The following NCKAP5 variants were observed in gnomAD, a reference collection of about 807,000 sequenced individuals.
The protein encoded by NCKAP5 is nck-associated protein 5.
A neutral mutation model predicts 167.0 loss-of-function variants in NCKAP5; 92 were observed. That is an observed-to-expected ratio of 0.55 (90% CI 0.47 to 0.66). The LOEUF (loss-of-function observed/expected upper bound fraction) is 0.66. Ranked by LOEUF, NCKAP5 falls within the 30% of genes least tolerant of loss-of-function variation. The probability of loss-of-function intolerance (pLI) is 0.00; values close to 1 mark genes in which losing one functional copy is unlikely to be tolerated. For missense variants in NCKAP5, 2,378 were observed against 2,315.0 expected, an observed-to-expected ratio of 1.03 and a Z score of -0.56; for synonymous variants, 891 against 877.4, an observed-to-expected ratio of 1.02 and a Z score of -0.27.
chr2:133,463,112 A>G (rs1326409638), intron 3 of NCKAP5, among the ~76,000 whole-genome samples: 2 of 152,230 alleles, frequency 1.3e-5, no homozygotes, highest in Admixed American at 6.5e-5. Flanking sequence ...AATATTATTA[A>G]TAGTCACAGG....
At chr2:133,507,170 G>A (rs534853369) in intron 3 of NCKAP5, among the ~76,000 whole-genome samples, 3 of 152,250 alleles carry the variant, frequency 2.0e-5, no homozygotes, top group South Asian at 4.2e-4. Flanking sequence ...ACCAACCCAA[G>A]CTGGATCACT....
intron 7 of NCKAP5, among the ~76,000 whole-genome samples, chr2:132,988,085 T>G (rs1391502334): frequency 1.3e-5 from 2 of 152,154 alleles, no homozygotes; most frequent in African/African-American, 4.8e-5. Context: ...CCAGGCCTTA[T>G]AGCATTGGGA....
chr2:133,338,655 G>A (rs890453636), intron 3 of NCKAP5, among the ~76,000 whole-genome samples: 14 of 152,228 alleles, frequency 9.2e-5, no homozygotes, highest in Middle Eastern at 6.8e-3. Context: ...GTTTTAGTCC[G>A]AAAAGATTTA....
chr2:133,413,356 G>A (rs547741771), intron 3 of NCKAP5, among the ~76,000 whole-genome samples: 2 of 152,196 alleles, frequency 1.3e-5, no homozygotes, highest in Non-Finnish European at 2.9e-5. Context: ...AATGCACACA[G>A]ATTGCAAACA....
At chr2:132,881,275 A>G (rs1394955912) in intron 8 of NCKAP5, among the ~76,000 whole-genome samples, 3 of 152,100 alleles carry the variant, frequency 2.0e-5, no homozygotes, top group African/African-American at 4.8e-5. Context: ...CTCAGGGTCA[A>G]GTGATTCTCC....
intron 16 of NCKAP5, among the ~76,000 whole-genome samples, chr2:132,766,347 C>T (rs1378750038): frequency 7.1e-6 from 1 of 141,344 alleles, no homozygotes; most frequent in African/African-American, 2.7e-5. Flanking sequence ...GGCAGAAGGA[C>T]AAGATAGGAG....
chr2:132,881,215 C>T (rs1466846824), intron 8 of NCKAP5, among the ~76,000 whole-genome samples: 1 of 152,018 alleles, frequency 6.6e-6, no homozygotes, highest in Non-Finnish European at 1.5e-5. Context: ...GCTCTTGTTG[C>T]CCAGGCTGGA....
intron 5 of NCKAP5, among the ~76,000 whole-genome samples, chr2:133,157,882 C>T (rs1392360583): frequency 1.3e-5 from 2 of 152,184 alleles, no homozygotes; most frequent in African/African-American, 4.8e-5. Context: ...ATTTTTCCAA[C>T]TGAGAAAGTG....
intron 9 of NCKAP5, among the ~76,000 whole-genome samples, chr2:132,872,475 T>C (rs912483280): frequency 1.3e-5 from 2 of 152,326 alleles, no homozygotes; most frequent in Non-Finnish European, 2.9e-5. Flanking sequence ...GAGTTCTCTA[T>C]TATTTTATTG....
intron 5 of NCKAP5, among the ~76,000 whole-genome samples, chr2:133,139,302 T>G (rs1394865403): frequency 6.6e-6 from 1 of 152,156 alleles, no homozygotes; most frequent in Non-Finnish European, 1.5e-5. Flanking sequence ...ACAAATAACA[T>G]TAGTGGCATA....
intron 11 of NCKAP5, among the ~76,000 whole-genome samples, chr2:132,802,442 G>T (rs1685115643): frequency 6.6e-6 from 1 of 152,150 alleles, no homozygotes; most frequent in African/African-American, 2.4e-5. Flanking sequence ...CCCCATTTCT[G>T]CTCCCTCAAC....
chr2:133,574,142 T>G, the NCKAP5 span, among the ~76,000 whole-genome samples: 1 of 40,720 alleles, frequency 2.5e-5, no homozygotes, highest in East Asian at 6.8e-4. Flanking sequence ...AGGAAGAGGA[T>G]GGGGACAGCC....
In NCKAP5 at chr2:132,783,335, A is replaced by G. The variant is rs371639978; in HGVS notation, c.3476T>C (p.Leu1159Pro). 1.2e-5 allele frequency: 19 copies of G among 1,613,624 alleles called. No individual in the cohort carries two copies. The highest frequency in any genetic ancestry group is 1.6e-5 in the Non-Finnish European group (19 of 1,179,838). Reference sequence around the variant, plus strand: ...TGGCACGGTGGAACTTTTCCTGAGCAGCTGGGGAGACTTCATGAGCACTTT... The same window carrying G: ...TGGCACGGTGGAACTTTTCCTGAGCGGCTGGGGAGACTTCATGAGCACTTT... ...GLKVLMKSPQ[L>P]LRKSSTVPGK... Residue 1159 changes from leucine (L) to proline (P), a missense_variant, in exon 14 of 20, where the codon CTG becomes CCG. Coordinates refer to ENST00000409261, the MANE Select transcript of NCKAP5 (RefSeq NM_207363.3).
intron 6 of NCKAP5, among the ~76,000 whole-genome samples, chr2:133,100,592 T>C (rs2081478917): frequency 6.6e-6 from 1 of 152,156 alleles, no homozygotes; most frequent in African/African-American, 2.4e-5. Flanking sequence ...AAGTAAAAAT[T>C]GGGTTGTAGC....
At chr2:133,188,967 A>T (rs2085080334) in intron 5 of NCKAP5, among the ~76,000 whole-genome samples, 1 of 152,172 alleles carries the variant, frequency 6.6e-6, no homozygotes, top group African/African-American at 2.4e-5. Flanking sequence ...AGACACAAAA[A>T]ACTCTTCAAA....
intron 10 of NCKAP5, among the ~76,000 whole-genome samples, chr2:132,863,725 A>T (rs1010717236): frequency 1.3e-5 from 2 of 152,172 alleles, no homozygotes; most frequent in African/African-American, 4.8e-5. Context: ...CTGCTCTGAA[A>T]ATCTGTAGAT....
intron 4 of NCKAP5, among the ~76,000 whole-genome samples, chr2:133,221,595 G>A (rs868500376): frequency 2.6e-5 from 4 of 152,244 alleles, no homozygotes; most frequent in Admixed American, 6.5e-5. Flanking sequence ...GCATGCCTAC[G>A]CACATGCCTA....
chr2:133,057,018 A>G (rs1043575639), intron 6 of NCKAP5, among the ~76,000 whole-genome samples: 2 of 152,064 alleles, frequency 1.3e-5, no homozygotes, highest in African/African-American at 2.4e-5. Context: ...AATATTTCAA[A>G]CTTTTTCATT....
At chr2:133,546,097 C>T (rs1686645189) in intron 2 of NCKAP5, among the ~76,000 whole-genome samples, 1 of 151,962 alleles carries the variant, frequency 6.6e-6, no homozygotes, top group Non-Finnish European at 1.5e-5. Flanking sequence ...CCCCACACCC[C>T]CGCCTTGCAT....
Sources: gnomAD v4.1 joint callset for allele counts (sites outside exome capture counted in the v4.1 genomes callset) on GRCh38, gnomAD v4.1.1 for gene constraint, MANE v1.5 for transcripts, NCBI Gene and HGNC (gene_info 2026-07-23, HGNC 2026-07-21) for gene names.